DNAJC5B: variants seen among roughly 807,000 people sequenced by gnomAD.
DNAJC5B encodes the protein DnaJ heat shock protein family (Hsp40) member C5 beta.
Under a neutral mutation model 24.7 loss-of-function variants are expected in DNAJC5B, and 23 were observed. The observed-to-expected ratio is 0.93, with a 90% CI of 0.67 to 1.32. DNAJC5B has a LOEUF of 1.32. DNAJC5B is among the 40% of genes most tolerant of loss of function. The pLI, the probability that DNAJC5B is intolerant of heterozygous loss-of-function variation, is 0.00. For synonymous variants in DNAJC5B, 101 were observed against 90.1 expected (o/e 1.12, Z -0.68); for missense variants, 238 against 240.8 (o/e 0.99, Z 0.08).
chr8:66,083,508 A>G (rs974906256), intron 5 of DNAJC5B, among the ~76,000 whole-genome samples: 2 of 152,194 alleles, frequency 1.3e-5, no homozygotes, highest in African/African-American at 4.8e-5. Flanking sequence ...TATAGAAGAT[A>G]TAAGATTTGG....
At chr8:66,084,797 C>G (rs1292372433) in intron 5 of DNAJC5B, among the ~76,000 whole-genome samples, 1 of 152,192 alleles carries the variant, frequency 6.6e-6, no homozygotes, top group Admixed American at 6.5e-5. Flanking sequence ...TTTCCTGCAT[C>G]TTTGCAGAGG....
chr8:66,079,314 C>A (rs1414810958), intron 4 of DNAJC5B, among the ~76,000 whole-genome samples: 1 of 152,190 alleles, frequency 6.6e-6, no homozygotes, highest in Non-Finnish European at 1.5e-5. Flanking sequence ...GACTAGCTGA[C>A]AGTGCCAGCT....
At chr8:66,085,013 CTT>C (rs987915150) in intron 5 of DNAJC5B, among the ~76,000 whole-genome samples, 2 of 149,658 alleles carry the variant, frequency 1.3e-5, no homozygotes, top group Non-Finnish European at 3.0e-5. Context: ...GGTTCAGACT[CTT>C]TTTTTTTTCT....
chr8:66,088,572 A>G (rs563845203), intron 5 of DNAJC5B, among the ~76,000 whole-genome samples: 3 of 152,262 alleles, frequency 2.0e-5, no homozygotes, highest in African/African-American at 4.8e-5. Context: ...ATAAATTCCA[A>G]TTTCAAACCA....
chr8:66,069,880 C>T (rs1056236181), intron 3 of DNAJC5B, among the ~76,000 whole-genome samples: 1 of 152,208 alleles, frequency 6.6e-6, no homozygotes, highest in Non-Finnish European at 1.5e-5. Context: ...TTGGCTTCAT[C>T]CCTAGGATGC....
rs1808039760 is a variant in DNAJC5B at position 66,100,007 on chromosome 8, TCG to T, written c.577_578del (p.Arg193LysfsTer29). On this transcript the variant is annotated frameshift_variant, in exon 6 of 6. Coordinates refer to ENST00000276570, the MANE Select transcript of DNAJC5B (RefSeq NM_033105.6). LOFTEE classifies it high-confidence loss of function. ...EKTQLIKEGS[R>X]SYCTDS ...AAACACAGCTAATCAAAGAAGGATC[TCG>T]AAGTTATTGCACAGACTCTTGATAT... 1 of 1,614,024 alleles carries T rather than the reference TCG, an allele frequency of 6.2e-7. No individual in the cohort carries two copies. Among genetic ancestry groups the T allele is most frequent in the Non-Finnish European group, 8.5e-7 (1 of 1,179,920 alleles).
chr8:66,044,944 G>A (rs1334428912), intron 2 of DNAJC5B, among the ~76,000 whole-genome samples: 1 of 152,036 alleles, frequency 6.6e-6, no homozygotes, highest in Non-Finnish European at 1.5e-5. Context: ...AAAGGTTATG[G>A]GCCCACTATT....
intron 1 of DNAJC5B, among the ~76,000 whole-genome samples, chr8:66,024,159 A>G (rs1806202015): frequency 6.6e-6 from 1 of 152,240 alleles, no homozygotes. Flanking sequence ...TGTTTCTGGT[A>G]TTACATGCAG....
intron 1 of DNAJC5B, among the ~76,000 whole-genome samples, chr8:66,031,993 G>T (rs1441328080): frequency 6.6e-6 from 1 of 152,190 alleles, no homozygotes; most frequent in Admixed American, 6.5e-5. Context: ...TTGCCACAAA[G>T]ACCTCCCATA....
chr8:66,064,322 C>T (rs1321085986), intron 3 of DNAJC5B, among the ~76,000 whole-genome samples: 1 of 152,178 alleles, frequency 6.6e-6, no homozygotes, highest in African/African-American at 2.4e-5. Context: ...GGGACTGCTT[C>T]TGAAAACTAC....
chr8:66,017,810 G>A (rs1157068878), upstream of DNAJC5B, among the ~76,000 whole-genome samples: 1 of 152,168 alleles, frequency 6.6e-6, no homozygotes, highest in African/African-American at 2.4e-5. Flanking sequence ...AAGGAAAAGT[G>A]ATTCTGTTTA....
chr8:66,020,942 C>G (rs552971983), upstream of DNAJC5B, among the ~76,000 whole-genome samples: 6 of 152,270 alleles, frequency 3.9e-5, no homozygotes, highest in Admixed American at 3.3e-4. Context: ...CCTGCCAACA[C>G]TAACTCTGGA....
intron 5 of DNAJC5B, among the ~76,000 whole-genome samples, chr8:66,088,004 A>G (rs1807766186): frequency 6.6e-6 from 1 of 152,052 alleles, no homozygotes; most frequent in Non-Finnish European, 1.5e-5. Flanking sequence ...GGGGCTCCAA[A>G]CCCATATTTC....
intron 3 of DNAJC5B, among the ~76,000 whole-genome samples, chr8:66,061,610 AGTGTGTGT>A (rs975887880): frequency 2.8e-5 from 4 of 145,066 alleles, no homozygotes; most frequent in East Asian, 2.0e-4. Context: ...AGAGAGAGAG[AGTGTGTGT>A]GTGTGTGTGT....
intron 2 of DNAJC5B, among the ~76,000 whole-genome samples, chr8:66,043,854 TCTCA>T (rs1806669623): frequency 7.2e-6 from 1 of 138,190 alleles, no homozygotes; most frequent in Admixed American, 7.4e-5. Flanking sequence ...TGAGATGGGG[TCTCA>T]CTCTGTCACC....
chr8:66,087,072 A>T (rs1439259123), intron 5 of DNAJC5B, among the ~76,000 whole-genome samples: 1 of 152,200 alleles, frequency 6.6e-6, no homozygotes, highest in Non-Finnish European at 1.5e-5. Context: ...TGTTATAAAG[A>T]TACAACCAGA....
At chr8:66,048,351 A>G (rs986753433) in intron 2 of DNAJC5B, among the ~76,000 whole-genome samples, 4 of 152,186 alleles carry the variant, frequency 2.6e-5, no homozygotes, top group Admixed American at 2.0e-4. Flanking sequence ...GCTTTCTGCC[A>G]TGTTCTCTGT....
chr8:66,062,166 A>C (rs1221278215), intron 3 of DNAJC5B, among the ~76,000 whole-genome samples: 1 of 152,244 alleles, frequency 6.6e-6, no homozygotes, highest in Non-Finnish European at 1.5e-5. Flanking sequence ...CTGAATGCAA[A>C]AAAGAATTAG....
chr8:66,016,618 T>G (rs1476000321), upstream of DNAJC5B, among the ~76,000 whole-genome samples: 2 of 152,324 alleles, frequency 1.3e-5, no homozygotes, highest in East Asian at 3.9e-4. Flanking sequence ...ATTTAGTCAC[T>G]CTGCAAAAGG....
Sources: allele counts gnomAD v4.1 joint callset (sites outside exome capture counted in the v4.1 genomes callset), GRCh38; gene constraint gnomAD v4.1.1; transcripts MANE v1.5; gene names NCBI Gene and HGNC (gene_info 2026-07-23, HGNC 2026-07-21).